Variants in AGMO observed in about 807,000 individuals in gnomAD.
AGMO encodes alkylglycerol monooxygenase, also known as glyceryl-ether monooxygenase.
A neutral mutation model predicts 60.2 loss-of-function variants in AGMO; 75 were observed. The ratio of observed to expected loss-of-function variants is 1.25; its 90% CI spans 1.03 to 1.51. The LOEUF (loss-of-function observed/expected upper bound fraction) is 1.51. AGMO is among the 40% of genes most tolerant of loss of function. The pLI is 0.00. For synonymous variants in AGMO, 261 were observed against 177.1 expected (o/e 1.47, Z -3.76); for missense variants, 763 against 525.5 (o/e 1.45, Z -4.42).
At chr7:15,328,348 C>T (rs530210547) in intron 12 of AGMO, among the ~76,000 whole-genome samples, 1 of 152,182 alleles carries the variant, frequency 6.6e-6, no homozygotes, top group African/African-American at 2.4e-5. Flanking sequence ...GGGCCCACCT[C>T]GGCCTCTCAA....
intron 12 of AGMO, among the ~76,000 whole-genome samples, chr7:15,335,521 A>G (rs994753978): frequency 1.3e-5 from 2 of 152,094 alleles, no homozygotes; most frequent in Non-Finnish European, 1.5e-5. Flanking sequence ...CCACCGGAAA[A>G]TATTTAGTCA....
chr7:15,142,290 G>A, the AGMO span, among the ~76,000 whole-genome samples: 2 of 151,902 alleles, frequency 1.3e-5, no homozygotes, highest in Non-Finnish European at 2.9e-5. Context: ...GTTATTATTA[G>A]GGCCCCATTA....
chr7:15,199,310 A>C (rs1335854812), downstream of AGMO, among the ~76,000 whole-genome samples: 1 of 152,196 alleles, frequency 6.6e-6, no homozygotes, highest in African/African-American at 2.4e-5. Flanking sequence ...GGTAAACCCA[A>C]GAGAGAAGAG....
intron 2 of AGMO, among the ~76,000 whole-genome samples, chr7:15,549,825 C>T (rs1327276789): frequency 6.6e-6 from 1 of 151,796 alleles, no homozygotes; most frequent in Non-Finnish European, 1.5e-5. Flanking sequence ...ACCTAATAGA[C>T]ATCTACAGAA....
At chr7:15,529,604 T>A (rs368148927) in intron 3 of AGMO, among the ~76,000 whole-genome samples, 1 of 33,228 alleles carries the variant, frequency 3.0e-5, no homozygotes. Context: ...ACTCTATATA[T>A]AGAGTATATA....
chr7:15,433,906 T>A (rs1781326647), intron 3 of AGMO, among the ~76,000 whole-genome samples: 1 of 152,116 alleles, frequency 6.6e-6, no homozygotes, highest in South Asian at 2.1e-4. Context: ...CAACATTTTA[T>A]GTAATGTGTG....
the AGMO span, among the ~76,000 whole-genome samples, chr7:15,152,223 T>A: frequency 6.6e-6 from 1 of 152,152 alleles, no homozygotes; most frequent in African/African-American, 2.4e-5. Flanking sequence ...CTTTTTTTGT[T>A]TTGTTTTTGT....
chr7:15,251,858 T>C (rs905739103), intron 12 of AGMO, among the ~76,000 whole-genome samples: 3 of 152,222 alleles, frequency 2.0e-5, no homozygotes, highest in Non-Finnish European at 4.4e-5. Context: ...AATAATTCCA[T>C]AGGCATAACT....
At chr7:15,501,818 A>G (rs986062419) in intron 3 of AGMO, among the ~76,000 whole-genome samples, 4 of 152,024 alleles carry the variant, frequency 2.6e-5, no homozygotes, top group Admixed American at 1.3e-4. Flanking sequence ...GTAACAATCC[A>G]AGAATAAATA....
intron 4 of AGMO, among the ~76,000 whole-genome samples, chr7:15,419,606 T>A (rs1167779209): frequency 6.6e-6 from 1 of 152,096 alleles, no homozygotes; most frequent in Non-Finnish European, 1.5e-5. Context: ...TGATTATACA[T>A]GTAAAACTCG....
the AGMO span, among the ~76,000 whole-genome samples, chr7:15,166,342 A>G: frequency 6.6e-6 from 1 of 152,120 alleles, no homozygotes; most frequent in Non-Finnish European, 1.5e-5. Flanking sequence ...AATGAGTGCA[A>G]AGCCCCAGGG....
At chr7:15,434,829 A>G (rs1271502163) in intron 3 of AGMO, among the ~76,000 whole-genome samples, 1 of 152,014 alleles carries the variant, frequency 6.6e-6, no homozygotes, top group African/African-American at 2.4e-5. Flanking sequence ...AGCAATAGAT[A>G]ATTAATGCAG....
intron 12 of AGMO, chr7:15,306,677 T>G: frequency 3.0e-6 from 1 of 330,220 alleles, no homozygotes; most frequent in Non-Finnish European, 5.9e-6. Context: ...AATAGTTAGA[T>G]TTTAATGTTT....
the AGMO span, among the ~76,000 whole-genome samples, chr7:15,163,676 G>T: frequency 6.6e-6 from 1 of 151,968 alleles, no homozygotes; most frequent in East Asian, 1.9e-4. Context: ...ACAATCCCTT[G>T]ATCATGATGT....
At chr7:15,460,395 C>G (rs867467578) in intron 3 of AGMO, among the ~76,000 whole-genome samples, 4 of 152,116 alleles carry the variant, frequency 2.6e-5, no homozygotes, top group Middle Eastern at 3.4e-3. Context: ...GAAGTCCATA[C>G]TTTTAAATTT....
chr7:15,466,003 T>C (rs1343379053), intron 3 of AGMO, among the ~76,000 whole-genome samples: 2 of 152,160 alleles, frequency 1.3e-5, no homozygotes, highest in Non-Finnish European at 2.9e-5. Flanking sequence ...ACACCTAATA[T>C]GTTAGCAATA....
At chr7:15,300,864 G>A (rs1045532471) in intron 12 of AGMO, among the ~76,000 whole-genome samples, 6 of 152,028 alleles carry the variant, frequency 3.9e-5, no homozygotes, top group African/African-American at 1.4e-4. Context: ...ATGGCAAAAT[G>A]TACTTTTTTC....
chr7:15,516,903 C>T (rs983898498), intron 3 of AGMO, among the ~76,000 whole-genome samples: 2 of 151,866 alleles, frequency 1.3e-5, no homozygotes, highest in African/African-American at 4.8e-5. Context: ...TTAACATTTG[C>T]TTGTATAGAA....
At chr7:15,159,816 C>T in the AGMO span, among the ~76,000 whole-genome samples, 1 of 152,178 alleles carries the variant, frequency 6.6e-6, no homozygotes, top group Admixed American at 6.5e-5. Context: ...AAGGTCCAAT[C>T]GGTCCATTCA....
Sources: gnomAD v4.1 joint callset for allele counts (sites outside exome capture counted in the v4.1 genomes callset) on GRCh38, gnomAD v4.1.1 for gene constraint, MANE v1.5 for transcripts, NCBI Gene and HGNC (gene_info 2026-07-23, HGNC 2026-07-21) for gene names.